TNNT2: variants seen among roughly 807,000 people sequenced by gnomAD.
TNNT2 encodes troponin T2, cardiac type.
In TNNT2, 34 loss-of-function variants were observed where a neutral mutation model predicts 62.4. That is an observed-to-expected ratio of 0.54 (90% CI 0.41 to 0.72). The LOEUF (loss-of-function observed/expected upper bound fraction) is 0.72, where lower values mean the gene tolerates loss of function less well. Ranked by LOEUF, TNNT2 falls within the 30% of genes least tolerant of loss-of-function variation. TNNT2 has a pLI of 0.00. For missense variants in TNNT2, 275 were observed against 381.9 expected (o/e 0.72, Z 2.33); for synonymous variants, 123 against 127.2 (o/e 0.97, Z 0.22).
chr1:201,361,169 G>A (rs1436856630), intron 15 of TNNT2, 110 bp downstream of exon 15: 3 of 1,045,578 alleles, frequency 2.9e-6, no homozygotes, highest in Non-Finnish European at 4.5e-6. Flanking sequence ...GAAGGGGGCT[G>A]TTGGGGAATA....
intron 6 of TNNT2, 49 bp from the exon 7 acceptor site, chr1:201,367,855 TC>T: frequency 1.9e-6 from 3 of 1,606,178 alleles, no homozygotes; most frequent in Non-Finnish European, 2.6e-6. Flanking sequence ...TGAGCTCAAG[TC>T]CCCCCCTCCG....
chr1:201,364,133 C>T (rs945541237), intron 11 of TNNT2, 165 bp downstream of exon 11: 1 of 699,414 alleles, frequency 1.4e-6, no homozygotes, highest in Non-Finnish European at 2.4e-6. Context: ...ATCTACCCGC[C>T]TTGGCCTCCC....
Position 201,366,618 on chromosome 1 carries a change from T to C in TNNT2, c.233+220A>G, listed in dbSNP as rs755134801. ...GAACATAGCCCCATCCCTGCTAGGG[T>C]GCACGATTGGTGATGGAGTGTTGGG... On this transcript the variant is annotated intron_variant, in intron 8 of 16. Transcript: ENST00000656932. 6.1e-4 allele frequency: 881 copies of C among 1,446,414 alleles called. 2 individuals are homozygous for C. Among genetic ancestry groups the C allele is most frequent in the Non-Finnish European group, 7.5e-4 (825 of 1,097,918 alleles). 89.6% of individuals were successfully genotyped at this position (1,446,414 alleles called of 1,614,324 possible). A position where few individuals can be genotyped will look rare whatever the true frequency, so the allele number is the denominator to read the frequency against.
chr1:201,363,526 T>C (rs1659095313), intron 11 of TNNT2, 120 bp from the exon 12 acceptor site: 1 of 907,478 alleles, frequency 1.1e-6, no homozygotes, highest in Non-Finnish European at 1.8e-6. Flanking sequence ...AGCAAGGAGC[T>C]TTCTGAGAGG....
At chr1:201,367,153 C>G in intron 7 of TNNT2, 1 of 558,924 alleles carries the variant, frequency 1.8e-6, no homozygotes, top group South Asian at 2.0e-5. Flanking sequence ...CTGGGCAAAG[C>G]AATTTTGCTT....
chr1:201,359,320 G>A (rs1188186809), intron 16 of TNNT2, 65 bp from the exon 17 acceptor site: 61 of 1,575,624 alleles, frequency 3.9e-5, no homozygotes, highest in Non-Finnish European at 4.9e-5. Flanking sequence ...CCATGCGGCT[G>A]GGGTAGGACT....
chr1:201,366,909 G>A (rs201999596), intron 7 of TNNT2, 38 bp from the exon 8 acceptor site: 107 of 1,613,908 alleles, frequency 6.6e-5, no homozygotes, highest in Non-Finnish European at 3.6e-5. Context: ...GGGTCAGGGG[G>A]CCCCAGAAGT....
rs1424148027 is a variant in TNNT2 at position 201,377,673 on chromosome 1, C to A, written c.-65G>T. On this transcript the variant is annotated 5_prime_UTR_variant, in exon 1 of 17. Coordinates refer to ENST00000656932, the MANE Select transcript of TNNT2 (RefSeq NM_001276345.2). Reference sequence around the variant, plus strand: ...CCTGGAGGCGTCTGCTCAGTCTCAGCGGGGACTGGGTGAGGCAGAGGATGG... The same window carrying A: ...CCTGGAGGCGTCTGCTCAGTCTCAGAGGGGACTGGGTGAGGCAGAGGATGG... 2.2e-6 allele frequency: 1 copy of A among 455,698 alleles called. No individual in the cohort carries two copies. Among genetic ancestry groups the A allele is most frequent in the East Asian group, 7.0e-5 (1 of 14,350 alleles). 28.2% of individuals were successfully genotyped at this position (455,698 alleles called of 1,614,324 possible).
chr1:201,368,547 C>T (rs1571652097), intron 5 of TNNT2: 5 of 483,532 alleles, frequency 1.0e-5, no homozygotes, highest in Non-Finnish European at 1.6e-5. Flanking sequence ...GCCGAGGTGT[C>T]CAGAAGCTCC....
rs554778649 is a variant in TNNT2, at chr1:201,368,439, C to T, written c.98-212G>A. On this transcript the variant is annotated intron_variant, in intron 5 of 16. Coordinates refer to ENST00000656932, the MANE Select transcript of TNNT2 (RefSeq NM_001276345.2). ...CCACCCAGCTTAGCCCCACTCATCC[C>T]GGCAACCTCCCTGATGATGGGACTC... The T allele has an allele frequency of 4.5e-5, 29 of 638,292 alleles. No individual in the cohort carries two copies. The Middle Eastern group carries it at 2.0e-3, about 44-fold the overall frequency. The allele number at this position is 638,292 out of a possible 1,614,324, so 39.5% of individuals were successfully genotyped here. A position where few individuals can be genotyped will look rare whatever the true frequency, so the allele number is the denominator to read the frequency against.
intron 4 of TNNT2, among the ~76,000 whole-genome samples, chr1:201,371,135 A>C (rs1328128687): frequency 1.3e-5 from 2 of 152,262 alleles, no homozygotes; most frequent in Non-Finnish European, 2.9e-5. Context: ...TTGGACCTTC[A>C]TAGAGACCCT....
At chr1:201,367,570 T>G (rs923690857) in intron 7 of TNNT2, 4 of 671,442 alleles carry the variant, frequency 6.0e-6, no homozygotes, top group Admixed American at 4.4e-5. Flanking sequence ...GTGCCACCAA[T>G]GCAACTTCTC....
At chr1:201,359,889 T>TG (rs1346548452) in intron 15 of TNNT2, among the ~76,000 whole-genome samples, 1 of 152,094 alleles carries the variant, frequency 6.6e-6, no homozygotes, top group Non-Finnish European at 1.5e-5. Context: ...CCTCCCACTG[T>TG]GGGGTCCCAG....
chr1:201,362,016 G>T lies in TNNT2; in HGVS notation c.616C>A (p.Arg206=). ...TCAGTCTGCCTCTTCCCACTTTTCC[G>T]CTCTGTCTGGAGGGTGTGGGAAGCA... ...GYIQKQAQTE[R]KSGKRQTERE... is the part of the protein sequence containing the mutation. The change falls in exon 14 of 17, where the codon CGG becomes AGG. Residue 206 remains arginine (R), a synonymous_variant. Transcript: ENST00000656932. 1.2e-6 allele frequency: 2 copies of T among 1,614,024 alleles called. No homozygotes were observed. Among genetic ancestry groups the T allele is most frequent in the Non-Finnish European group, 8.5e-7 (1 of 1,179,978 alleles).
At position 201,373,249 on chromosome 1, in the gene TNNT2, A is replaced by G; in HGVS notation, c.6T>C (p.Ser2=). 6.2e-7 allele frequency: 1 copy of G among 1,614,108 alleles called. No homozygotes were observed. Among genetic ancestry groups the G allele is most frequent in the Non-Finnish European group, 8.5e-7 (1 of 1,179,998 alleles). The change falls in exon 2 of 17, where the codon TCT becomes TCC. Residue 2 remains serine (S), a synonymous_variant. Coordinates refer to ENST00000656932, the MANE Select transcript of TNNT2 (RefSeq NM_001276345.2). ...ACTCTTCCACCACCTCTTCTATGTC[A>G]GACATGGTCTCTGCTCTCCCTCCAA... M[S]DIEEVVEEYE...
At chr1:201,362,530 G>A (rs181865089) in intron 12 of TNNT2, 136 bp from the exon 13 acceptor site, 59 of 1,169,362 alleles carry the variant, frequency 5.0e-5, no homozygotes, top group Non-Finnish European at 6.9e-5. Flanking sequence ...TAGTCAGCCG[G>A]GTTTACTAGG....
At chr1:201,359,515 G>C in intron 16 of TNNT2, 108 bp downstream of exon 16, 1 of 1,192,760 alleles carries the variant, frequency 8.4e-7, no homozygotes. Context: ...TGAAGCAGAG[G>C]AGGAAGGGCT....
intron 1 of TNNT2, among the ~76,000 whole-genome samples, chr1:201,375,869 G>A (rs1661325609): frequency 6.6e-6 from 1 of 152,216 alleles, no homozygotes; most frequent in Non-Finnish European, 1.5e-5. Flanking sequence ...CTCACAGGAG[G>A]ACAGAGCAGC....
intron 6 of TNNT2, among the ~76,000 whole-genome samples, 160 bp downstream of exon 6, chr1:201,368,002 A>C (rs1395803328): frequency 2.6e-5 from 4 of 152,156 alleles, no homozygotes; most frequent in African/African-American, 9.7e-5. Context: ...GCGCTGGGTC[A>C]ACGTTTGTTG....
Sources: allele counts gnomAD v4.1 joint callset (sites outside exome capture counted in the v4.1 genomes callset), GRCh38; gene constraint gnomAD v4.1.1; transcripts MANE v1.5; gene names NCBI Gene and HGNC (gene_info 2026-07-23, HGNC 2026-07-21).